Variants in ZNF407 observed in about 807,000 individuals in gnomAD.
The protein encoded by ZNF407 is zinc finger protein 407.
A neutral mutation model predicts 131.2 loss-of-function variants in ZNF407; 17 were observed. The observed-to-expected ratio is 0.13, with a 90% CI of 0.09 to 0.19. ZNF407 has a LOEUF of 0.19. Ranked by LOEUF, ZNF407 falls within the 10% of genes least tolerant of loss-of-function variation. ZNF407 has a pLI of 1.00. For synonymous variants in ZNF407, 1,156 were observed against 1,062.0 expected (o/e 1.09, Z -1.72); for missense variants, 2,681 against 2,830.6 (o/e 0.95, Z 1.20).
chr18:74,709,034 T>A (rs1223267695), intron 3 of ZNF407, among the ~76,000 whole-genome samples: 1 of 152,226 alleles, frequency 6.6e-6, no homozygotes, highest in Admixed American at 6.5e-5. Context: ...GAATTTTTGA[T>A]CCTTTAGGAA....
chr18:74,731,055 A>G (rs7238001), intron 3 of ZNF407, among the ~76,000 whole-genome samples: 136,244 of 152,236 alleles, frequency 0.89, 61,029 homozygotes, highest in Non-Finnish European at 0.9. Context: ...TCCATCTCTT[A>G]TTCTGTTATT....
chr18:74,683,689 A>G (rs920760890), intron 3 of ZNF407, among the ~76,000 whole-genome samples: 3 of 152,222 alleles, frequency 2.0e-5, no homozygotes, highest in African/African-American at 4.8e-5. Context: ...TATGGCCAAC[A>G]TGTAGCCCTG....
intron 1 of ZNF407, among the ~76,000 whole-genome samples, chr18:74,610,554 T>C (rs556957982): frequency 5.3e-5 from 8 of 152,170 alleles, no homozygotes; most frequent in Non-Finnish European, 8.8e-5. Context: ...TGGGACTTTT[T>C]TTTGTTTTAT....
intron 3 of ZNF407, among the ~76,000 whole-genome samples, chr18:74,644,177 CT>C (rs34393480): frequency 0.072 from 8,583 of 118,774 alleles, 138 homozygotes; most frequent in African/African-American, 0.11. Flanking sequence ...TTGGGGGAAT[CT>C]TTTTTTTTTT....
chr18:74,884,814 C>G (rs1431503478), intron 6 of ZNF407, among the ~76,000 whole-genome samples: 1 of 151,828 alleles, frequency 6.6e-6, no homozygotes, highest in African/African-American at 2.4e-5. Flanking sequence ...ACTACGAAAC[C>G]AAGAAAATGC....
intron 8 of ZNF407, among the ~76,000 whole-genome samples, chr18:74,942,446 A>G (rs1356351630): frequency 1.3e-5 from 2 of 152,196 alleles, no homozygotes; most frequent in Non-Finnish European, 2.9e-5. Context: ...TCAGAGAGCT[A>G]AACAGGAAAC....
chr18:74,951,272 C>T (rs983117868), intron 8 of ZNF407, among the ~76,000 whole-genome samples: 1 of 152,194 alleles, frequency 6.6e-6, no homozygotes, highest in Non-Finnish European at 1.5e-5. Flanking sequence ...GAAATCCCCA[C>T]AAGGCAATGA....
chr18:75,040,825 A>G (rs933417230), intron 8 of ZNF407, among the ~76,000 whole-genome samples: 4 of 152,174 alleles, frequency 2.6e-5, no homozygotes, highest in African/African-American at 9.7e-5. Flanking sequence ...TCTAAACAAC[A>G]TTCTAATTTG....
At chr18:74,920,465 G>A in intron 7 of ZNF407, 49 bp from the exon 8 acceptor site, 1 of 1,459,292 alleles carries the variant, frequency 6.9e-7, no homozygotes, top group South Asian at 1.4e-5. Flanking sequence ...GTAAGATAAG[G>A]TTATTGGTTT....
At chr18:74,694,755 T>G (rs1412433695) in intron 3 of ZNF407, among the ~76,000 whole-genome samples, 2 of 152,210 alleles carry the variant, frequency 1.3e-5, no homozygotes, top group Admixed American at 1.3e-4. Flanking sequence ...AATAGTTGTT[T>G]GCTGTATTTT....
chr18:74,872,820 A>G (rs1971107019), intron 4 of ZNF407, among the ~76,000 whole-genome samples: 1 of 151,958 alleles, frequency 6.6e-6, no homozygotes, highest in Non-Finnish European at 1.5e-5. Context: ...GGTAAAAAAT[A>G]AAATAATAAA....
intron 4 of ZNF407, among the ~76,000 whole-genome samples, chr18:74,785,343 C>T (rs1969682394): frequency 6.6e-6 from 1 of 152,132 alleles, no homozygotes; most frequent in Admixed American, 6.5e-5. Flanking sequence ...CCTCTGGGGT[C>T]CTCCAGATTA....
intron 8 of ZNF407, among the ~76,000 whole-genome samples, chr18:75,005,113 A>C (rs565813704): frequency 3.5e-4 from 53 of 152,336 alleles, no homozygotes; most frequent in Admixed American, 3.4e-3. Flanking sequence ...CCATAAAAAT[A>C]AACTTCTATT....
At chr18:74,655,152 A>G (rs1047655343) in intron 3 of ZNF407, among the ~76,000 whole-genome samples, 1 of 151,966 alleles carries the variant, frequency 6.6e-6, no homozygotes, top group African/African-American at 2.4e-5. Flanking sequence ...TATTATAAGA[A>G]TCCTTAATAT....
intron 4 of ZNF407, among the ~76,000 whole-genome samples, chr18:74,827,202 A>G (rs1970420991): frequency 6.6e-6 from 1 of 152,108 alleles, no homozygotes; most frequent in African/African-American, 2.4e-5. Flanking sequence ...CGGAGTATGT[A>G]TTTTGGTATT....
intron 4 of ZNF407, among the ~76,000 whole-genome samples, chr18:74,831,764 T>C (rs567000821): frequency 2.2e-3 from 333 of 152,254 alleles, no homozygotes; most frequent in Middle Eastern, 6.8e-3. Context: ...CTGCTGTGCA[T>C]CACCCTGAGT....
chr18:74,760,815 A>G (rs977955961), intron 3 of ZNF407, among the ~76,000 whole-genome samples: 1 of 152,136 alleles, frequency 6.6e-6, no homozygotes, highest in Non-Finnish European at 1.5e-5. Flanking sequence ...CTGGAGTCTT[A>G]CGAATCTAGG....
chr18:74,872,511 C>G (rs1971101378), intron 4 of ZNF407, among the ~76,000 whole-genome samples: 1 of 151,826 alleles, frequency 6.6e-6, no homozygotes, highest in Non-Finnish European at 1.5e-5. Flanking sequence ...CACCTGTAAT[C>G]CCAGCACTTT....
At chr18:74,806,849 G>A (rs1228375128) in intron 4 of ZNF407, among the ~76,000 whole-genome samples, 2 of 152,222 alleles carry the variant, frequency 1.3e-5, no homozygotes, top group Non-Finnish European at 2.9e-5. Context: ...ACATGTAGAA[G>A]CTATTCTAGG....
Sources: allele counts gnomAD v4.1 joint callset (sites outside exome capture counted in the v4.1 genomes callset), GRCh38; gene constraint gnomAD v4.1.1; transcripts MANE v1.5; gene names NCBI Gene and HGNC (gene_info 2026-07-23, HGNC 2026-07-21).